IFFO2: variants seen among roughly 807,000 people sequenced by gnomAD.
IFFO2 encodes the protein intermediate filament family orphan 2.
IFFO2 carries 19 observed loss-of-function variants against 53.5 expected under a neutral mutation model. That is an observed-to-expected ratio of 0.36 (90% CI 0.25 to 0.52). IFFO2 has a LOEUF of 0.52. Among genes scored for constraint, IFFO2 ranks in the 20% least tolerant of loss-of-function variants. The pLI is 0.94. For synonymous variants in IFFO2, 303 were observed against 313.6 expected, an observed-to-expected ratio of 0.97 and a Z score of 0.36; for missense variants, 570 against 727.4, an observed-to-expected ratio of 0.78 and a Z score of 2.49.
intron 1 of IFFO2, among the ~76,000 whole-genome samples, chr1:18,950,193 C>T (rs1936642265): frequency 6.6e-6 from 1 of 152,164 alleles, no homozygotes. Flanking sequence ...TCTTAGATGC[C>T]GGACAAAGAA....
chr1:18,956,281 G>T lies in IFFO2; in HGVS notation c.52C>A (p.Pro18Thr). 3 of 786,158 alleles carry T rather than the reference G, an allele frequency of 3.8e-6. No individual in the cohort carries two copies. The highest frequency in any genetic ancestry group is 4.8e-6 in the Non-Finnish European group (3 of 623,892). 48.7% of individuals were successfully genotyped at this position (786,158 alleles called of 1,614,324 possible). ...GEMALAFGCP[P>T]GGGGGGCPGG... is the part of the protein sequence containing the mutation. ...GGGCAGCCCCCGCCGCCGCCGCCCG[G>T]CGGGCAGCCGAAGGCCAAGGCCATC... Residue 18 changes from proline (P) to threonine (T), a missense_variant, in exon 1 of 9, where the codon CCG (proline) becomes ACG (threonine). Coordinates refer to ENST00000455833, the MANE Select transcript of IFFO2 (RefSeq NM_001136265.2). This position sits in a 1 kb window ranked among gnomAD's most constrained non-coding sequence, Gnocchi z 6.4.
chr1:18,955,646 CG>C (rs1033077322), intron 1 of IFFO2, 21 bp downstream of exon 1: 72 of 1,543,958 alleles, frequency 4.7e-5, no homozygotes, highest in Non-Finnish European at 5.7e-5. Flanking sequence ...CCCAGGGCGG[CG>C]GGGGAGGGGC....
chr1:18,912,472 G>T (rs988875913), intron 5 of IFFO2, among the ~76,000 whole-genome samples: 2 of 152,148 alleles, frequency 1.3e-5, no homozygotes, highest in African/African-American at 4.8e-5. Flanking sequence ...GGAAAGGTTG[G>T]TATTATACCT....
intron 8 of IFFO2, among the ~76,000 whole-genome samples, chr1:18,909,073 G>A (rs931800006): frequency 8.6e-5 from 13 of 151,872 alleles, no homozygotes; most frequent in Non-Finnish European, 1.9e-4. Flanking sequence ...ATGAGCTGGG[G>A]GTGGGGGAAC....
intron 5 of IFFO2, among the ~76,000 whole-genome samples, chr1:18,915,380 T>TA (rs577368980): frequency 4.3e-3 from 67 of 15,526 alleles, no homozygotes; most frequent in African/African-American, 0.017. Context: ...GAGCTCTGAT[T>TA]GGTAGCTCTG....
intron 1 of IFFO2, among the ~76,000 whole-genome samples, chr1:18,954,800 G>A (rs543283591): frequency 1.2e-4 from 18 of 152,366 alleles, no homozygotes; most frequent in African/African-American, 4.3e-4. Flanking sequence ...CAGTCTTGCA[G>A]AGTCTGGACC....
rs1569860918 is a variant in IFFO2, at chr1:18,941,034, C to T, written c.665+14634G>A. Among the ~76,000 whole-genome samples, 5 of 152,298 alleles carry T rather than the reference C, an allele frequency of 3.3e-5. No individual in the cohort carries two copies. The Middle Eastern group carries it at 0.01, about 311-fold the overall frequency. ...CTTGGAAGCCAAAGAGACCTGAGGT[C>T]ACATGCCCACTCTGCCACTCTCTAG... is the stretch of plus-strand genomic sequence containing the variant. On this transcript the variant is annotated intron_variant, in intron 1 of 8. Coordinates refer to ENST00000455833, the MANE Select transcript of IFFO2 (RefSeq NM_001136265.2).
At chr1:18,951,225 A>G (rs1011084740) in intron 1 of IFFO2, among the ~76,000 whole-genome samples, 2 of 152,156 alleles carry the variant, frequency 1.3e-5, no homozygotes, top group Non-Finnish European at 2.9e-5. Flanking sequence ...ACATGGGTCA[A>G]ATCTCAGGTA....
chr1:18,955,519 T>C (rs1248392185), intron 1 of IFFO2, 149 bp downstream of exon 1: 8 of 1,243,012 alleles, frequency 6.4e-6, no homozygotes, highest in Admixed American at 3.2e-5. Context: ...TGGGCCTTCC[T>C]GGCGTACGTA....
At position 18,955,791 on chromosome 1, in the gene IFFO2, G is replaced by C; in HGVS notation, c.542C>G (p.Pro181Arg). ...GGGGVETVQG[P>R]GVSWVHPDGV... Reference sequence around the variant, plus strand: ...GTCGGGGTGCACCCACGACACGCCGGGGCCCTGCACGGTCTCCACGCCGCC... The same window carrying C: ...GTCGGGGTGCACCCACGACACGCCGCGGCCCTGCACGGTCTCCACGCCGCC... Residue 181 changes from proline (P) to arginine (R), a missense_variant, in exon 1 of 9, where the codon CCC becomes CGC. Transcript: ENST00000455833. 4.5e-6 allele frequency: 7 copies of C among 1,545,902 alleles called. No homozygotes were observed. Among genetic ancestry groups the C allele is most frequent in the Non-Finnish European group, 6.1e-6 (7 of 1,152,170 alleles).
In IFFO2 at chr1:18,928,378, G is replaced by T. The variant is rs1936330898; in HGVS notation, c.666-7257C>A. Among the ~76,000 whole-genome samples the T allele has an allele frequency of 6.6e-6, 1 of 152,230 alleles. No homozygotes were observed. Among genetic ancestry groups the T allele is most frequent in the Admixed American group, 6.5e-5 (1 of 15,286 alleles). On this transcript the variant is annotated intron_variant, in intron 1 of 8. Transcript: ENST00000455833. The surrounding 1 kb of genome is among the most constrained non-coding windows in gnomAD (Gnocchi z 4.9). ...ATGCCAACTGATTGTCTCCACGGAG[G>T]AGGTATTAATTTAATGTGAACACTT...
At chr1:18,954,569 G>A (rs1333485633) in intron 1 of IFFO2, among the ~76,000 whole-genome samples, 1 of 152,246 alleles carries the variant, frequency 6.6e-6, no homozygotes, top group Non-Finnish European at 1.5e-5. Context: ...AAGGCTGCCT[G>A]TGCCTGGAAC....
chr1:18,956,143 A>G lies in IFFO2; in HGVS notation c.190T>C (p.Phe64Leu). Residue 64 changes from phenylalanine to leucine, a missense_variant, in exon 1 of 9, where the codon TTC (phenylalanine) becomes CTC (leucine). By Grantham distance (22) the Phe-to-Leu change is conservative. Transcript: ENST00000455833. The surrounding 1 kb of genome is among the most constrained non-coding windows in gnomAD (Gnocchi z 6.4). ...TGCACCTTAGCCAGGAAGCAGCGGA[A>G]GCGCACGTTGAGCCCCTTCAAGAGG... The part of the protein sequence containing the change: ...IHLLKGLNVR[F>L]RCFLAKVHEL... The G allele has an allele frequency of 6.7e-7, 1 of 1,502,178 alleles. No homozygotes were observed. Among genetic ancestry groups the G allele is most frequent in the South Asian group, 1.2e-5 (1 of 82,330 alleles). The allele number at this position is 1,502,178 out of a possible 1,614,324, so 93.1% of individuals were successfully genotyped here.
At position 18,938,155 on chromosome 1, in the gene IFFO2, G is replaced by A. The variant is rs560830345; in HGVS notation, c.666-17034C>T. Among the ~76,000 whole-genome samples, 9 of 152,358 alleles carry A rather than the reference G, an allele frequency of 5.9e-5. No homozygotes were observed. In the East Asian group the frequency reaches 1.5e-3, roughly 26 times the overall value. On this transcript the variant is annotated intron_variant, in intron 1 of 8. Transcript: ENST00000455833. ...GCTGGGATGGGCGTCCAACTCAGCC[G>A]CTCCGCAGCTGGTGATCTGCTAAAG...
intron 1 of IFFO2, among the ~76,000 whole-genome samples, chr1:18,940,560 AACGG>A (rs1396978633): frequency 1.6e-5 from 2 of 125,954 alleles, no homozygotes; most frequent in African/African-American, 6.3e-5. Flanking sequence ...CTGATGGACA[AACGG>A]ATGGATGGAT....
rs547104433 is a variant in IFFO2 at position 18,906,433 on chromosome 1, G to A, written c.*2128C>T. 24 of 152,306 alleles carry A rather than the reference G, an allele frequency of 1.6e-4. No individual in the cohort carries two copies. Among genetic ancestry groups the A allele is most frequent in the African/African-American group, 3.6e-4 (15 of 41,540 alleles). 9.4% of individuals were successfully genotyped at this position (152,306 alleles called of 1,614,324 possible). A position where few individuals can be genotyped will look rare whatever the true frequency, so the allele number is the denominator to read the frequency against. On this transcript the variant is annotated 3_prime_UTR_variant, in exon 9 of 9. Coordinates refer to ENST00000455833, the MANE Select transcript of IFFO2 (RefSeq NM_001136265.2). ...CCACCTTGGGGAACAACCCAGGGCC[G>A]GCTTCCACGCTGCCCACGAAACTCC... is the stretch of plus-strand genomic sequence containing the variant.
intron 1 of IFFO2, among the ~76,000 whole-genome samples, chr1:18,935,864 A>ATTTTT (rs757253270): frequency 1.5e-3 from 141 of 95,384 alleles, no homozygotes; most frequent in African/African-American, 3.0e-3. Context: ...TAATTTTTCT[A>ATTTTT]TTTTTTTTTT....
At chr1:18,948,893 C>T (rs969800917) in intron 1 of IFFO2, among the ~76,000 whole-genome samples, 6 of 152,194 alleles carry the variant, frequency 3.9e-5, no homozygotes, top group South Asian at 2.1e-4. Flanking sequence ...TGTAGCTAGG[C>T]GAGCCTGTCT....
chr1:18,937,469 G>C (rs1363109716), intron 1 of IFFO2, among the ~76,000 whole-genome samples: 1 of 152,172 alleles, frequency 6.6e-6, no homozygotes, highest in Admixed American at 6.5e-5. Flanking sequence ...GGAGTGTGGA[G>C]GCTGAGCACC....
Sources: allele counts gnomAD v4.1 joint callset (sites outside exome capture counted in the v4.1 genomes callset), GRCh38; gene constraint gnomAD v4.1.1; non-coding constraint Gnocchi (gnomAD v3.1); transcripts MANE v1.5; gene names NCBI Gene and HGNC (gene_info 2026-07-23, HGNC 2026-07-21).